Variants in AP4E1 observed in about 807,000 individuals in gnomAD.
The protein encoded by AP4E1 is AP-4 complex subunit epsilon-1.
Under a neutral mutation model 128.2 loss-of-function variants are expected in AP4E1, and 56 were observed. The ratio of observed to expected loss-of-function variants is 0.44; its 90% CI spans 0.35 to 0.55. The LOEUF is 0.55. Among genes scored for constraint, AP4E1 ranks in the 20% least tolerant of loss-of-function variants. The pLI is 0.00. For synonymous variants in AP4E1, 484 were observed against 473.1 expected, an observed-to-expected ratio of 1.02 and a Z score of -0.30; for missense variants, 1,324 against 1,307.7, an observed-to-expected ratio of 1.01 and a Z score of -0.19.
intron 3 of AP4E1, among the ~76,000 whole-genome samples, chr15:50,917,658 A>G (rs2614794): frequency 0.52 from 78,958 of 152,054 alleles, 20,810 homozygotes; most frequent in South Asian, 0.61. Context: ...CATGGAATTG[A>G]TAAGATGAGT....
rs2063616935 is a variant in AP4E1, at chr15:50,915,330, A to G, written c.223-118A>G. The G allele has an allele frequency of 2.9e-6, 3 of 1,042,694 alleles. No individual in the cohort carries two copies. The South Asian group carries it at 4.4e-5, about 15-fold the overall frequency. 64.6% of individuals were successfully genotyped at this position (1,042,694 alleles called of 1,614,324 possible). On this transcript the variant is annotated intron_variant, in intron 2 of 20. Coordinates refer to ENST00000261842, the MANE Select transcript of AP4E1 (RefSeq NM_007347.5). ...ATATTGGGTGATTAATTTGTAATAT[A>G]TATGTTATTTCTTCAGCACCAGGAT... is the stretch of plus-strand genomic sequence containing the variant.
chr15:50,966,422 G>A (rs1279619465), intron 14 of AP4E1, among the ~76,000 whole-genome samples: 2 of 151,754 alleles, frequency 1.3e-5, no homozygotes, highest in Non-Finnish European at 2.9e-5. Context: ...TTATTGAAAT[G>A]ATGAATGAAT....
chr15:50,937,530 G>T (rs980954802), intron 8 of AP4E1, among the ~76,000 whole-genome samples: 5 of 152,192 alleles, frequency 3.3e-5, no homozygotes, highest in African/African-American at 1.2e-4. Context: ...CAATATAGTG[G>T]AAAGATAACT....
chr15:50,971,200 G>A (rs2064472774), intron 15 of AP4E1, among the ~76,000 whole-genome samples: 2 of 152,122 alleles, frequency 1.3e-5, no homozygotes, highest in South Asian at 2.1e-4. Flanking sequence ...CTGAAGGATA[G>A]CTTTGCTGGA....
chr15:50,949,821 G>A lies in AP4E1; in HGVS notation c.1317-5G>A, dbSNP rs1300113240. ...AAGTGTACTTGTTCTTAACACTGTG[G>A]ACACATATGCTCCTGATAATGCATG... is the stretch of plus-strand genomic sequence containing the variant. On this transcript the variant is annotated splice_region_variant and splice_polypyrimidine_tract_variant and intron_variant, in intron 11 of 20. Coordinates refer to ENST00000261842, the MANE Select transcript of AP4E1 (RefSeq NM_007347.5). 1 of 1,601,208 alleles carries A rather than the reference G, an allele frequency of 6.2e-7. No homozygotes were observed. The highest frequency in any genetic ancestry group is 1.1e-5 in the South Asian group (1 of 90,816).
At position 50,997,692 on chromosome 15, in the gene AP4E1, T is replaced by C. The variant is rs780520338; in HGVS notation, c.2713T>C (p.Ser905Pro). 1.9e-5 allele frequency: 30 copies of C among 1,613,974 alleles called. No individual in the cohort carries two copies. Among genetic ancestry groups the C allele is most frequent in the Non-Finnish European group, 2.5e-5 (30 of 1,179,994 alleles). Residue 905 changes from serine (S) to proline (P), a missense_variant, in exon 18 of 21, where the codon TCT becomes CCT. Transcript: ENST00000261842. ...TGCCAAGGAAAGCTCTTTAGCTTCA[T>C]CTTTTTTGGAAGAAACTACTGAATA... Reference protein sequence around the residue: ...SVAKESSLASSFLEETTEYIH... With the variant: ...SVAKESSLASPFLEETTEYIH...
In AP4E1 at chr15:50,997,361, A is replaced by G. The variant is rs1241112013; in HGVS notation, c.2382A>G (p.Arg794=). 4 of 1,603,314 alleles carry G rather than the reference A, an allele frequency of 2.5e-6. No homozygotes were observed. The highest frequency in any genetic ancestry group is 2.2e-5 in the East Asian group (1 of 44,768). ...CAGATACTGTCTCTCACAAGTTCAGAAGGAAATCAAAAGTCAAAGAAGCTA... is the reference window on the plus strand; with the variant it reads ...CAGATACTGTCTCTCACAAGTTCAGGAGGAAATCAAAAGTCAAAGAAGCTA... ...GKADTVSHKF[R]RKSKVKEAKS... Residue 794 remains arginine (R), a synonymous_variant, in exon 18 of 21, where the codon AGA becomes AGG. Transcript: ENST00000261842.
intron 10 of AP4E1, among the ~76,000 whole-genome samples, chr15:50,946,758 A>T (rs1876784): frequency 0.21 from 31,646 of 152,188 alleles, 3,854 homozygotes; most frequent in East Asian, 0.45. Context: ...TCTGAGACTT[A>T]TATTTTTGAA....
At chr15:50,908,526 C>T (rs919401552), upstream of AP4E1, 3 of 419,906 alleles carry the variant, frequency 7.1e-6, no homozygotes, top group East Asian at 4.3e-5. Flanking sequence ...ACCGCTACCC[C>T]GTCGCGAGAA....
At chr15:50,984,281 T>C (rs915922214) in intron 16 of AP4E1, 136 bp downstream of exon 16, 3 of 1,098,420 alleles carry the variant, frequency 2.7e-6, no homozygotes, top group South Asian at 2.8e-5. Context: ...AAGAGGTCTA[T>C]TGTTTCAGTG....
chr15:50,942,247 T>A (rs1211530334), intron 10 of AP4E1, among the ~76,000 whole-genome samples: 2 of 152,142 alleles, frequency 1.3e-5, no homozygotes, highest in African/African-American at 4.8e-5. Context: ...TAAGTAACTT[T>A]TCTAAAAAGT....
chr15:50,984,562 G>GT (rs2064690335), intron 16 of AP4E1, among the ~76,000 whole-genome samples: 1 of 149,814 alleles, frequency 6.7e-6, no homozygotes, highest in African/African-American at 2.5e-5. Context: ...GCAGTGTTTG[G>GT]TTTTTTGTCC....
At position 50,997,518 on chromosome 15, in the gene AP4E1, T is replaced by G; in HGVS notation, c.2539T>G (p.Ser847Ala). The change falls in exon 18 of 21, where the codon TCT becomes GCT. Residue 847 changes from serine to alanine, a missense_variant. Ser to Ala is a moderately conservative substitution (Grantham distance 99). Coordinates refer to ENST00000261842, the MANE Select transcript of AP4E1 (RefSeq NM_007347.5). ...DTGDKELKKF[S>A]LTSELLDSES... The stretch of plus-strand genomic sequence containing the variant: ...AGGAGACAAGGAATTAAAGAAATTT[T>G]CTCTCACTTCAGAACTTTTGGATTC... 6.2e-7 allele frequency: 1 copy of G among 1,614,082 alleles called. No homozygotes were observed. Among genetic ancestry groups the G allele is most frequent in the Non-Finnish European group, 8.5e-7 (1 of 1,179,988 alleles).
intron 15 of AP4E1, among the ~76,000 whole-genome samples, chr15:50,970,789 G>C (rs750522883): frequency 1.3e-5 from 2 of 152,136 alleles, no homozygotes; most frequent in Non-Finnish European, 2.9e-5. Flanking sequence ...GTGTATTGTT[G>C]AGTCTTGTTT....
In AP4E1 at chr15:50,925,240, T is replaced by C. The variant is rs771546569; in HGVS notation, c.542+21T>C. 2.7e-5 allele frequency: 43 copies of C among 1,606,972 alleles called. No individual in the cohort carries two copies. The Admixed American group carries it at 7.0e-4, about 26-fold the overall frequency. On this transcript the variant is annotated intron_variant, in intron 5 of 20. Transcript: ENST00000261842. ...TCTAAGTAAGTAAATTCTTTTGGGA[T>C]AGGCATCTATGCCATATATTTCAAA...
intron 5 of AP4E1, among the ~76,000 whole-genome samples, chr15:50,927,048 A>T (rs559549413): frequency 6.6e-6 from 1 of 152,336 alleles, no homozygotes; most frequent in Non-Finnish European, 1.5e-5. Context: ...ACAATTAATT[A>T]TTGGAAATAT....
At chr15:50,962,964 A>G (rs2064337067) in intron 14 of AP4E1, among the ~76,000 whole-genome samples, 1 of 151,626 alleles carries the variant, frequency 6.6e-6, no homozygotes, top group Admixed American at 6.6e-5. Context: ...TTCTTAAAAG[A>G]AGATACACAA....
chr15:50,924,106 C>A, intron 4 of AP4E1, 102 bp downstream of exon 4: 1 of 959,714 alleles, frequency 1.0e-6, no homozygotes, highest in Non-Finnish European at 1.6e-6. Flanking sequence ...AGAAAGTGGG[C>A]TTGCAGAATG....
intron 13 of AP4E1, among the ~76,000 whole-genome samples, chr15:50,955,016 C>A (rs549762611): frequency 1.3e-5 from 2 of 152,284 alleles, no homozygotes; most frequent in South Asian, 4.1e-4. Flanking sequence ...CTACAAAGGA[C>A]GCGAACTCAT....
Sources: allele counts gnomAD v4.1 joint callset (sites outside exome capture counted in the v4.1 genomes callset), GRCh38; gene constraint gnomAD v4.1.1; transcripts MANE v1.5; gene names NCBI Gene and HGNC (gene_info 2026-07-23, HGNC 2026-07-21).